CSMD3: variants seen among roughly 807,000 people sequenced by gnomAD.
CSMD3 encodes CUB and Sushi multiple domains 3, also known as CUB and sushi domain-containing protein 3.
In CSMD3, 177 loss-of-function variants were observed where a neutral mutation model predicts 435.2. The observed-to-expected ratio is 0.41, with a 90% CI of 0.36 to 0.46. The LOEUF is 0.46. Ranked by LOEUF, CSMD3 falls within the 20% of genes least tolerant of loss-of-function variation. The probability of loss-of-function intolerance (pLI) is 0.34; values close to 1 mark genes in which losing one functional copy is unlikely to be tolerated. For missense variants in CSMD3, 4,265 were observed against 4,504.6 expected (o/e 0.95, Z 1.52); for synonymous variants, 1,656 against 1,520.5 (o/e 1.09, Z -2.07).
intron 61 of CSMD3, among the ~76,000 whole-genome samples, chr8:112,262,403 G>A (rs73338990): frequency 0.094 from 14,274 of 151,446 alleles, 1,930 homozygotes; most frequent in African/African-American, 0.3. Context: ...CAGGGACAGA[G>A]CAGTGAATAA....
chr8:113,305,163 AG>A (rs1051571520), intron 2 of CSMD3, among the ~76,000 whole-genome samples: 1 of 69,776 alleles, frequency 1.4e-5, no homozygotes, highest in African/African-American at 5.7e-5. Context: ...GGGTTGGGGG[AG>A]GGGGGAGGGA....
intron 3 of CSMD3, among the ~76,000 whole-genome samples, chr8:113,238,622 T>C (rs1017787007): frequency 7.9e-5 from 12 of 152,142 alleles, no homozygotes; most frequent in African/African-American, 2.9e-4. Context: ...ATTAGTCAGA[T>C]GTAGGATTCA....
intron 13 of CSMD3, among the ~76,000 whole-genome samples, chr8:112,710,002 CT>C (rs2076577910): frequency 6.6e-6 from 1 of 152,022 alleles, no homozygotes; most frequent in African/African-American, 2.4e-5. Flanking sequence ...TTTAAAAATT[CT>C]TCCTTAAGGA....
chr8:113,407,837 T>A (rs16884617), intron 1 of CSMD3, among the ~76,000 whole-genome samples: 3,432 of 152,246 alleles, frequency 0.023, 111 homozygotes, highest in African/African-American at 0.077. Flanking sequence ...GTAACTATCC[T>A]AGAAAAGAAG....
chr8:112,737,080 A>T (rs547942021), intron 13 of CSMD3, among the ~76,000 whole-genome samples: 8 of 152,118 alleles, frequency 5.3e-5, no homozygotes, highest in Non-Finnish European at 1.2e-4. Context: ...AATCTGAGAG[A>T]GACATAAAAT....
rs149308903 is a variant in CSMD3 at position 112,517,175 on chromosome 8, G to A, written c.4615C>T (p.Arg1539Ter). ...CCAGGTTCTCTTCCATCCCCATTTC[G>A]AGTCCCATTCATGGGGACCCCTGGG... ...RDPGVPMNGT[R>*]NGDGREPGDT... The change falls in exon 28 of 71, where the codon CGA becomes TGA. Residue 1539 changes from arginine (R) to a stop codon, truncating the protein, a stop_gained. Transcript: ENST00000297405. LOFTEE classifies it high-confidence loss of function. 6.2e-7 allele frequency: 1 copy of A among 1,613,522 alleles called. No homozygotes were observed. Among genetic ancestry groups the A allele is most frequent in the Non-Finnish European group, 8.5e-7 (1 of 1,179,802 alleles).
At position 112,685,439 on chromosome 8, in the gene CSMD3, T is replaced by G. The variant is rs539415804; in HGVS notation, c.2449A>C (p.Met817Leu). ...GTGATGTTAAAGCCACGTCCTGACA[T>G]TGAGTGGTCAGCCTGAAATTCCAAT... Reference protein sequence around the residue: ...LRLEFQADHSMSGRGFNITYN... With the variant: ...LRLEFQADHSLSGRGFNITYN... The change falls in exon 15 of 71, where the codon ATG becomes CTG. Residue 817 changes from methionine (M) to leucine (L), a missense_variant. By Grantham distance (15) the Met-to-Leu change is conservative (BLOSUM62 2). Around this residue, in one of 3 missense-constraint regions of CSMD3, gnomAD observed 279 missense variants for 369.0 expected, o/e 0.76. Transcript: ENST00000297405. 1 of 1,613,952 alleles carries G rather than the reference T, an allele frequency of 6.2e-7. No individual in the cohort carries two copies. Among genetic ancestry groups the G allele is most frequent in the South Asian group, 1.1e-5 (1 of 91,084 alleles).
chr8:112,569,288 C>G (rs1256028306), intron 24 of CSMD3, among the ~76,000 whole-genome samples: 2 of 152,080 alleles, frequency 1.3e-5, no homozygotes, highest in Non-Finnish European at 2.9e-5. Flanking sequence ...AAGACAGGAG[C>G]AAAATCCTTG....
chr8:112,487,191 T>C (rs2130825301), intron 31 of CSMD3, among the ~76,000 whole-genome samples: 1 of 152,300 alleles, frequency 6.6e-6, no homozygotes, highest in African/African-American at 2.4e-5. Flanking sequence ...AAATAAATCT[T>C]TATTCAGGAT....
chr8:112,328,261 A>T (rs1712645869), intron 45 of CSMD3, among the ~76,000 whole-genome samples: 1 of 152,196 alleles, frequency 6.6e-6, no homozygotes, highest in Non-Finnish European at 1.5e-5. Flanking sequence ...TTTTAAACTT[A>T]TCTGAAATAA....
At position 113,384,997 on chromosome 8, in the gene CSMD3, T is replaced by C. The variant is rs1181278098; in HGVS notation, c.178+51680A>G. The stretch of plus-strand genomic sequence containing the variant: ...TTAATAACCAGAATATGCATAATGA[T>C]AATGCAATATGATAATGAAAGACAG... On this transcript the variant is annotated intron_variant, in intron 1 of 70. Coordinates refer to ENST00000297405, the MANE Select transcript of CSMD3 (RefSeq NM_198123.2). 5.3e-5 allele frequency among the ~76,000 whole-genome samples: 8 copies of C among 152,228 alleles called. No individual in the cohort carries two copies. The East Asian group carries it at 1.5e-3, about 29-fold the overall frequency.
intron 1 of CSMD3, among the ~76,000 whole-genome samples, chr8:113,349,923 A>G (rs1435216273): frequency 6.6e-6 from 1 of 151,950 alleles, no homozygotes; most frequent in African/African-American, 2.4e-5. Flanking sequence ...TTTCCAATAG[A>G]ATGCAACAGA....
chr8:112,229,756 C>A (rs79873240), intron 69 of CSMD3, among the ~76,000 whole-genome samples: 1,850 of 152,012 alleles, frequency 0.012, 49 homozygotes, highest in African/African-American at 0.041. Context: ...CAGTGAGGAA[C>A]AACTGAAGGT....
chr8:113,048,923 T>C (rs1325829069), intron 5 of CSMD3, among the ~76,000 whole-genome samples: 6 of 152,196 alleles, frequency 3.9e-5, no homozygotes, highest in East Asian at 1.9e-4. Flanking sequence ...CCAGTGAGTA[T>C]ACAGCATTTT....
intron 3 of CSMD3, among the ~76,000 whole-genome samples, chr8:113,176,531 A>G (rs1588209517): frequency 1.3e-5 from 2 of 152,158 alleles, no homozygotes; most frequent in East Asian, 1.9e-4. Flanking sequence ...TTTAAAACTA[A>G]GTAGTGCTGC....
At chr8:113,004,203 G>A (rs113266460) in intron 6 of CSMD3, among the ~76,000 whole-genome samples, 3,480 of 151,278 alleles carry the variant, frequency 0.023, 49 homozygotes, top group Middle Eastern at 0.048. Context: ...CCTCTTGTAG[G>A]AAAAAAAACA....
chr8:112,359,277 AT>A (rs1276380511), intron 38 of CSMD3, among the ~76,000 whole-genome samples: 5 of 152,180 alleles, frequency 3.3e-5, no homozygotes, highest in Admixed American at 2.6e-4. Context: ...GTATTCCTTC[AT>A]TCCTGTGCCA....
intron 12 of CSMD3, among the ~76,000 whole-genome samples, chr8:112,802,787 A>G (rs1277256491): frequency 4.0e-5 from 6 of 151,834 alleles, no homozygotes. Flanking sequence ...CTTTTTTGAA[A>G]TAGTATCTGG....
chr8:112,666,226 T>A (rs751726398), intron 17 of CSMD3, 51 bp downstream of exon 17: 71 of 1,364,486 alleles, frequency 5.2e-5, no homozygotes, highest in Non-Finnish European at 7.2e-5. Context: ...GAATGTCAAC[T>A]AATCTTTTAG....
Sources: gnomAD v4.1 joint callset for allele counts (sites outside exome capture counted in the v4.1 genomes callset) on GRCh38, gnomAD v4.1.1 for gene constraint, gnomAD v4.1.1 regional missense constraint, MANE v1.5 for transcripts, NCBI Gene and HGNC (gene_info 2026-07-23, HGNC 2026-07-21) for gene names.